C6orf163: variants seen among roughly 807,000 people sequenced by gnomAD.
C6orf163 encodes uncharacterized protein C6orf163.
C6orf163 carries 22 observed loss-of-function variants against 28.4 expected under a neutral mutation model. The observed-to-expected ratio is 0.78, with a 90% CI of 0.55 to 1.11. The LOEUF is 1.11. Ranked by LOEUF, C6orf163 falls within the 50% of genes least tolerant of loss-of-function variation. The pLI, the probability that C6orf163 is intolerant of heterozygous loss-of-function variation, is 0.00. For missense variants in C6orf163, 342 were observed against 389.1 expected (o/e 0.88, Z 1.02); for synonymous variants, 110 against 123.6 (o/e 0.89, Z 0.73).
Position 87,365,152 on chromosome 6 carries a change from A to G in C6orf163, c.746A>G (p.Asn249Ser). 2 of 1,551,982 alleles carry G rather than the reference A, an allele frequency of 1.3e-6. No homozygotes were observed. The highest frequency in any genetic ancestry group is 1.7e-6 in the Non-Finnish European group (2 of 1,147,056). Residue 249 changes from asparagine (N) to serine (S), a missense_variant, in exon 5 of 5, where the codon AAT (asparagine) becomes AGT (serine). Asn to Ser is a conservative substitution (Grantham distance 46). Transcript: ENST00000388923. ...AEKTHQATLG[N>S]MMDKLANTQG... is the part of the protein sequence containing the mutation. ...AAAACACATCAGGCCACTCTTGGCA[A>G]TATGATGGATAAACTGGCTAACACC...
chr6:87,359,179 G>A (rs1252147399), intron 4 of C6orf163: 1 of 152,318 alleles, frequency 6.6e-6, no homozygotes, highest in Non-Finnish European at 1.5e-5. Flanking sequence ...AGATCAAGCA[G>A]TATGGGTGGG....
At chr6:87,359,619 A>C (rs146710227) in intron 4 of C6orf163, among the ~76,000 whole-genome samples, 1 of 152,226 alleles carries the variant, frequency 6.6e-6, no homozygotes, top group African/African-American at 2.4e-5. Flanking sequence ...GCAAAGGATC[A>C]ATTGCTACTA....
intron 4 of C6orf163, 123 bp downstream of exon 4, chr6:87,356,626 A>G (rs977315092): frequency 1.8e-5 from 15 of 821,652 alleles, no homozygotes; most frequent in South Asian, 7.4e-5. Flanking sequence ...CATTTTTATT[A>G]TGGAAAATAC....
At chr6:87,348,245 G>C (rs1055097484) in intron 1 of C6orf163, 2 of 983,974 alleles carry the variant, frequency 2.0e-6, no homozygotes, top group African/African-American at 3.5e-5. Context: ...ACCTTGTCTG[G>C]GTAGAGAGGA....
At chr6:87,346,690 G>GA (rs1272319028) in intron 1 of C6orf163, among the ~76,000 whole-genome samples, 1 of 151,814 alleles carries the variant, frequency 6.6e-6, no homozygotes, top group Non-Finnish European at 1.5e-5. Flanking sequence ...ATAGAACTTT[G>GA]AAAAAAAATA....
Position 87,345,105 on chromosome 6 carries a change from C to T in C6orf163, c.6C>T (p.Ile2=). The T allele has an allele frequency of 2.0e-6, 3 of 1,524,694 alleles. No individual in the cohort carries two copies. Among genetic ancestry groups the T allele is most frequent in the South Asian group, 1.2e-5 (1 of 81,068 alleles). The allele number at this position is 1,524,694 out of a possible 1,614,324, so 94.4% of individuals were successfully genotyped here. A position where few individuals can be genotyped will look rare whatever the true frequency, so the allele number is the denominator to read the frequency against. The change falls in exon 1 of 5, where the codon ATC becomes ATT. Residue 2 remains isoleucine (I), a synonymous_variant. Transcript: ENST00000388923. The part of the protein sequence containing the change: M[I]RNSDYKNFVC... Reference sequence around the variant, plus strand: ...AAGACATCTGAAATTTAACTATGATCAGAAATTCAGATTACAAAAACTTTG... The same window carrying T: ...AAGACATCTGAAATTTAACTATGATTAGAAATTCAGATTACAAAAACTTTG...
intron 4 of C6orf163, among the ~76,000 whole-genome samples, chr6:87,359,831 T>G (rs1165158132): frequency 2.0e-5 from 3 of 152,130 alleles, no homozygotes; most frequent in African/African-American, 7.2e-5. Context: ...TGAAATACGG[T>G]GTGTATTTCA....
At chr6:87,348,640 CT>C (rs1408810445) in intron 1 of C6orf163, 171 bp from the exon 2 acceptor site, 2 of 1,389,154 alleles carry the variant, frequency 1.4e-6, no homozygotes, top group African/African-American at 2.9e-5. Context: ...GAATTCCCTC[CT>C]AATCAGAGAA....
chr6:87,359,784 A>G (rs986589039), intron 4 of C6orf163, among the ~76,000 whole-genome samples: 1 of 152,204 alleles, frequency 6.6e-6, no homozygotes, highest in South Asian at 2.1e-4. Flanking sequence ...CACTACAACT[A>G]TTTTGAAAAT....
chr6:87,358,199 A>G (rs760240906), intron 4 of C6orf163: 3 of 152,172 alleles, frequency 2.0e-5, no homozygotes, highest in Non-Finnish European at 4.4e-5. Flanking sequence ...AAGGATTCAG[A>G]ACATTTATAT....
chr6:87,360,272 T>C (rs1295693874), intron 4 of C6orf163, among the ~76,000 whole-genome samples: 1 of 122,114 alleles, frequency 8.2e-6, no homozygotes, highest in African/African-American at 2.8e-5. Flanking sequence ...TAGGCCCTCT[T>C]TCGATAAAAA....
chr6:87,347,076 G>T (rs1247760788), intron 1 of C6orf163, among the ~76,000 whole-genome samples: 1 of 152,116 alleles, frequency 6.6e-6, no homozygotes, highest in Admixed American at 6.5e-5. Flanking sequence ...ACATGGAGCT[G>T]TTCCATCACC....
rs1777395475 is a variant in C6orf163 at position 87,350,488 on chromosome 6, A to G, written c.338A>G (p.Gln113Arg). The G allele has an allele frequency of 1.3e-6, 2 of 1,524,640 alleles. No homozygotes were observed. Among genetic ancestry groups the G allele is most frequent in the Admixed American group, 2.0e-5 (1 of 50,720 alleles). The allele number at this position is 1,524,640 out of a possible 1,614,324, so 94.4% of individuals were successfully genotyped here. ...IEIQILKEEH[Q>R]KDLQEVTAKT... ...ATTCAGATTTTGAAAGAGGAACATC[A>G]GAAAGATTTACAGGTTTTTATAGTG... Residue 113 changes from glutamine (Q) to arginine (R), a missense_variant, in exon 3 of 5, where the codon CAG (glutamine) becomes CGG (arginine). By Grantham distance (43) the Gln-to-Arg change is conservative (BLOSUM62 1). Coordinates refer to ENST00000388923, the MANE Select transcript of C6orf163 (RefSeq NM_001010868.3).
Position 87,350,376 on chromosome 6 carries a change from G to T in C6orf163, c.244-18G>T, listed in dbSNP as rs904775699. On this transcript the variant is annotated intron_variant, in intron 2 of 4. Coordinates refer to ENST00000388923, the MANE Select transcript of C6orf163 (RefSeq NM_001010868.3). ...TATTCTGATACATTAATAGATAAAT[G>T]GACTCTTTCTTTCAAAGGCTAATGA... The T allele has an allele frequency of 6.9e-7, 1 of 1,444,704 alleles. No homozygotes were observed. 89.5% of individuals were successfully genotyped at this position (1,444,704 alleles called of 1,614,324 possible).
intron 1 of C6orf163, among the ~76,000 whole-genome samples, chr6:87,345,892 G>A (rs544540581): frequency 4.6e-5 from 6 of 129,728 alleles, no homozygotes; most frequent in Non-Finnish European, 9.4e-5. Flanking sequence ...ACTCTAGCCT[G>A]GGTGACAGAG....
chr6:87,360,337 G>C (rs1777563786), intron 4 of C6orf163, among the ~76,000 whole-genome samples: 2 of 151,160 alleles, frequency 1.3e-5, no homozygotes. Context: ...CATATCCCAA[G>C]AATTGGCTAT....
intron 4 of C6orf163, among the ~76,000 whole-genome samples, chr6:87,358,775 C>G (rs1273419453): frequency 6.6e-6 from 1 of 152,162 alleles, no homozygotes; most frequent in African/African-American, 2.4e-5. Flanking sequence ...CTCCCTGCAT[C>G]TGGGTGTCCC....
At chr6:87,347,515 T>C in intron 1 of C6orf163, 1 of 985,460 alleles carries the variant, frequency 1.0e-6, no homozygotes, top group Non-Finnish European at 1.2e-6. Context: ...TTCTACACAA[T>C]GTTGGGCTTT....
intron 2 of C6orf163, 56 bp from the exon 3 acceptor site, chr6:87,350,338 G>A (rs1426013565): frequency 2.9e-5 from 33 of 1,122,334 alleles, no homozygotes; most frequent in Non-Finnish European, 1.0e-5. Context: ...AATAAGCCAA[G>A]TTTGCTTGTG....
Sources: allele counts gnomAD v4.1 joint callset (sites outside exome capture counted in the v4.1 genomes callset), GRCh38; gene constraint gnomAD v4.1.1; transcripts MANE v1.5; gene names NCBI Gene and HGNC (gene_info 2026-07-23, HGNC 2026-07-21).